Variants in DGKE observed in about 807,000 individuals in gnomAD.
The protein encoded by DGKE is DAG kinase epsilon.
Under a neutral mutation model 70.0 loss-of-function variants are expected in DGKE, and 53 were observed. That is an observed-to-expected ratio of 0.76 (90% confidence interval 0.61 to 0.95). The LOEUF is 0.95. DGKE is among the 40% of genes least tolerant of loss of function. The pLI, the probability that DGKE is intolerant of heterozygous loss-of-function variation, is 0.00. For synonymous variants in DGKE, 291 were observed against 257.0 expected, an observed-to-expected ratio of 1.13 and a Z score of -1.27; for missense variants, 655 against 706.9, an observed-to-expected ratio of 0.93 and a Z score of 0.83.
At position 56,862,215 on chromosome 17, in the gene DGKE, T is replaced by A; in HGVS notation, c.1488T>A (p.Ala496=). Residue 496 remains alanine, a synonymous_variant, in exon 11 of 12, where the codon GCT becomes GCA. Coordinates refer to ENST00000284061, the MANE Select transcript of DGKE (RefSeq NM_003647.3). ...FHCAQIQVKL[A]NPFRIGQAHT... ...GTGCTCAGATTCAAGTAAAACTGGC[T>A]AATCCTTTTCGAATAGGACAGGCAC... 1 of 1,614,230 alleles carries A rather than the reference T, an allele frequency of 6.2e-7. No homozygotes were observed. The highest frequency in any genetic ancestry group is 8.5e-7 in the Non-Finnish European group (1 of 1,180,032).
rs1908518737 is a variant in DGKE, at chr17:56,866,200, C to T, written c.*3409C>T. The T allele has an allele frequency of 6.6e-6, 1 of 152,182 alleles. No individual in the cohort carries two copies. The highest frequency in any genetic ancestry group is 1.5e-5 in the Non-Finnish European group (1 of 68,026). The allele number at this position is 152,182 out of a possible 1,614,324, so 9.4% of individuals were successfully genotyped here. On this transcript the variant is annotated 3_prime_UTR_variant, in exon 12 of 12. Transcript: ENST00000284061. The stretch of plus-strand genomic sequence containing the variant: ...TCTTTTTCAATTTTTCCCTTGAAGC[C>T]TTTCTCTTGTTCTTCAGAGTACGCG...
chr17:56,848,377 C>A (rs761937605), intron 5 of DGKE, among the ~76,000 whole-genome samples: 2 of 152,102 alleles, frequency 1.3e-5, no homozygotes, highest in Non-Finnish European at 2.9e-5. Context: ...GGGCTGCTGT[C>A]AAACTCCTGG....
chr17:56,856,667 T>C (rs1352354903), intron 8 of DGKE, 42 bp downstream of exon 8: 3 of 1,573,026 alleles, frequency 1.9e-6, no homozygotes, highest in Non-Finnish European at 2.6e-6. Flanking sequence ...TCACCGAAGG[T>C]ACAGTAAAAA....
intron 4 of DGKE, chr17:56,847,543 A>G (rs1428274176): frequency 6.5e-6 from 1 of 152,696 alleles, no homozygotes. Context: ...CATGTTGGCC[A>G]GGCTGGTCTC....
Position 56,865,824 on chromosome 17 carries a change from A to G in DGKE, c.*3033A>G, listed in dbSNP as rs1173941784. 2 of 152,066 alleles carry G rather than the reference A, an allele frequency of 1.3e-5. No homozygotes were observed. The highest frequency in any genetic ancestry group is 6.5e-5 in the Admixed American group (1 of 15,268). The allele number at this position is 152,066 out of a possible 1,614,324, so 9.4% of individuals were successfully genotyped here. On this transcript the variant is annotated 3_prime_UTR_variant, in exon 12 of 12. Coordinates refer to ENST00000284061, the MANE Select transcript of DGKE (RefSeq NM_003647.3). Reference sequence around the variant, plus strand: ...AATATAAAGTAAAATTGTATTTAATATATTTATTGAATTTTAAATTTGCAC... The same window carrying G: ...AATATAAAGTAAAATTGTATTTAATGTATTTATTGAATTTTAAATTTGCAC...
intron 2 of DGKE, among the ~76,000 whole-genome samples, chr17:56,840,718 T>G (rs1227681811): frequency 6.6e-6 from 1 of 152,136 alleles, no homozygotes. Context: ...CATGAGATTC[T>G]GAATGGAATC....
At position 56,862,127 on chromosome 17, in the gene DGKE, T is replaced by C. The variant is rs369579446; in HGVS notation, c.1413-13T>C. On this transcript the variant is annotated splice_polypyrimidine_tract_variant and intron_variant, in intron 10 of 11. Coordinates refer to ENST00000284061, the MANE Select transcript of DGKE (RefSeq NM_003647.3). The stretch of plus-strand genomic sequence containing the variant: ...TGCATCATATAATCCATATTTTCTT[T>C]TTCCAATTTTAGGCATGACGATGGT... 4.1e-5 allele frequency: 66 copies of C among 1,613,280 alleles called. No homozygotes were observed. Among genetic ancestry groups the C allele is most frequent in the Non-Finnish European group, 5.2e-5 (61 of 1,179,478 alleles).
At chr17:56,846,480 A>G (rs1394534370) in intron 4 of DGKE, among the ~76,000 whole-genome samples, 1 of 152,178 alleles carries the variant, frequency 6.6e-6, no homozygotes, top group African/African-American at 2.4e-5. Context: ...AAACTGGATG[A>G]TGGTGGTGGT....
At chr17:56,860,954 C>T (rs1424164908) in intron 9 of DGKE, among the ~76,000 whole-genome samples, 1 of 152,118 alleles carries the variant, frequency 6.6e-6, no homozygotes, top group African/African-American at 2.4e-5. Context: ...TAAAGTGAAG[C>T]CACTGAAGGG....
chr17:56,854,706 C>A (rs1419970062), intron 7 of DGKE, among the ~76,000 whole-genome samples: 1 of 152,108 alleles, frequency 6.6e-6, no homozygotes, highest in Non-Finnish European at 1.5e-5. Flanking sequence ...ATTTCTCATT[C>A]ATACCAGGAT....
intron 9 of DGKE, among the ~76,000 whole-genome samples, chr17:56,859,613 G>T (rs1278741154): frequency 6.6e-6 from 1 of 151,914 alleles, no homozygotes; most frequent in African/African-American, 2.4e-5. Context: ...TAGAGACGGG[G>T]TTTCACGTGT....
chr17:56,861,990 AC>A, intron 10 of DGKE, 72 bp downstream of exon 10: 1 of 1,543,662 alleles, frequency 6.5e-7, no homozygotes, highest in Non-Finnish European at 8.7e-7. Context: ...ATAGACTTTA[AC>A]ATTTTTCCTC....
intron 11 of DGKE, 54 bp from the exon 12 acceptor site, chr17:56,862,558 C>G: frequency 2.8e-6 from 4 of 1,425,612 alleles, no homozygotes; most frequent in Non-Finnish European, 3.7e-6. Context: ...TAAGGAAGAC[C>G]TTTCTAAATT....
Position 56,862,219 on chromosome 17 carries a change from C to G in DGKE, c.1492C>G (p.Pro498Ala), listed in dbSNP as rs776159129. 1 of 1,614,142 alleles carries G rather than the reference C, an allele frequency of 6.2e-7. No individual in the cohort carries two copies. Among genetic ancestry groups the G allele is most frequent in the South Asian group, 1.1e-5 (1 of 91,068 alleles). Reference protein sequence around the residue: ...CAQIQVKLANPFRIGQAHTVR... With the variant: ...CAQIQVKLANAFRIGQAHTVR... The stretch of plus-strand genomic sequence containing the variant: ...TCAGATTCAAGTAAAACTGGCTAAT[C>G]CTTTTCGAATAGGACAGGCACATAC... Residue 498 changes from proline to alanine, a missense_variant, in exon 11 of 12, where the codon CCT becomes GCT. By Grantham distance (27) the Pro-to-Ala change is conservative. Coordinates refer to ENST00000284061, the MANE Select transcript of DGKE (RefSeq NM_003647.3).
At chr17:56,861,687 T>C in intron 9 of DGKE, 104 bp from the exon 10 acceptor site, 3 of 1,487,538 alleles carry the variant, frequency 2.0e-6, no homozygotes, top group Non-Finnish European at 2.7e-6. Context: ...TACATGTGCA[T>C]CTCTCATATA....
rs1908479219 is a variant in DGKE, at chr17:56,865,075, T to A, written c.*2284T>A. On this transcript the variant is annotated 3_prime_UTR_variant, in exon 12 of 12. Coordinates refer to ENST00000284061, the MANE Select transcript of DGKE (RefSeq NM_003647.3). ...CATAAAATGTATCATTATCTTGTTTTTGCAAAATTCACTTACTTTTTGGGC... is the reference window on the plus strand; with the variant it reads ...CATAAAATGTATCATTATCTTGTTTATGCAAAATTCACTTACTTTTTGGGC... 1 of 152,192 alleles carries A rather than the reference T, an allele frequency of 6.6e-6. No homozygotes were observed. The highest frequency in any genetic ancestry group is 1.5e-5 in the Non-Finnish European group (1 of 68,008). The allele number at this position is 152,192 out of a possible 1,614,324, so 9.4% of individuals were successfully genotyped here. A position where few individuals can be genotyped will look rare whatever the true frequency, so the allele number is the denominator to read the frequency against.
rs138924661 is a variant in DGKE at position 56,848,773 on chromosome 17, G to A, written c.966G>A (p.Trp322Ter). ...ACGATCTATCCAATACATTGGGTTG[G>A]GGTACAGGTTATGCTGGAGAAATTC... ...TGNDLSNTLG[W>*]GTGYAGEIPV... The change falls in exon 6 of 12, where the codon TGG becomes TGA. Residue 322 changes from tryptophan (W) to a stop codon, truncating the protein, a stop_gained. Transcript: ENST00000284061. LOFTEE classifies it high-confidence loss of function. 1.8e-4 allele frequency: 296 copies of A among 1,614,056 alleles called. No homozygotes were observed. The highest frequency in any genetic ancestry group is 2.4e-4 in the Non-Finnish European group (285 of 1,180,026).
intron 2 of DGKE, among the ~76,000 whole-genome samples, chr17:56,839,673 C>T (rs1293261033): frequency 6.6e-6 from 1 of 151,970 alleles, no homozygotes; most frequent in Non-Finnish European, 1.5e-5. Context: ...CATGCACCAC[C>T]ATGCCTGATA....
rs147304275 is a variant in DGKE, at chr17:56,848,755, A to C, written c.948A>C (p.Leu316=). Reference sequence around the variant, plus strand: ...TGCCTCTGGGAACAGGCAACGATCTATCCAATACATTGGGTTGGGGTACAG... The same window carrying C: ...TGCCTCTGGGAACAGGCAACGATCTCTCCAATACATTGGGTTGGGGTACAG... ...AVLPLGTGND[L]SNTLGWGTGY... Residue 316 remains leucine, a synonymous_variant, in exon 6 of 12, where the codon CTA becomes CTC. Coordinates refer to ENST00000284061, the MANE Select transcript of DGKE (RefSeq NM_003647.3). 3 of 1,614,174 alleles carry C rather than the reference A, an allele frequency of 1.9e-6. No individual in the cohort carries two copies. In the Admixed American group the frequency reaches 5.0e-5, roughly 27 times the overall value.
Sources: allele counts gnomAD v4.1 joint callset (sites outside exome capture counted in the v4.1 genomes callset), GRCh38; gene constraint gnomAD v4.1.1; transcripts MANE v1.5; gene names NCBI Gene and HGNC (gene_info 2026-07-23, HGNC 2026-07-21).